CACHD1: variants seen among roughly 807,000 people sequenced by gnomAD.
The protein encoded by CACHD1 is cache domain containing 1.
In CACHD1, 71 loss-of-function variants were observed where a neutral mutation model predicts 138.7. The ratio of observed to expected loss-of-function variants is 0.51; its 90% CI spans 0.42 to 0.62. CACHD1 has a LOEUF of 0.62. CACHD1 is among the 20% of genes least tolerant of loss of function. The pLI, the probability that CACHD1 is intolerant of heterozygous loss-of-function variation, is 0.00. For synonymous variants in CACHD1, 578 were observed against 591.5 expected, an observed-to-expected ratio of 0.98 and a Z score of 0.33; for missense variants, 1,389 against 1,625.3, an observed-to-expected ratio of 0.85 and a Z score of 2.50.
chr1:64,491,771 CA>C (rs1646277469), intron 1 of CACHD1, among the ~76,000 whole-genome samples: 2 of 152,128 alleles, frequency 1.3e-5, no homozygotes. Context: ...CATGCACCAC[CA>C]TGTCCAGCTA....
chr1:64,527,542 G>A (rs1406996181), intron 1 of CACHD1, among the ~76,000 whole-genome samples: 2 of 152,166 alleles, frequency 1.3e-5, no homozygotes, highest in Non-Finnish European at 2.9e-5. Flanking sequence ...TTAGGGTCTG[G>A]AGGAAGTGAA....
intron 4 of CACHD1, among the ~76,000 whole-genome samples, chr1:64,628,107 G>T (rs893925507): frequency 6.6e-6 from 1 of 152,164 alleles, no homozygotes; most frequent in African/African-American, 2.4e-5. Flanking sequence ...CTGTGTGAAA[G>T]CTCTTTGTCT....
At chr1:64,501,024 G>A (rs1436666854) in intron 1 of CACHD1, among the ~76,000 whole-genome samples, 1 of 151,180 alleles carries the variant, frequency 6.6e-6, no homozygotes, top group Non-Finnish European at 1.5e-5. Context: ...ACTCCAGCTG[G>A]GTGACAGAGT....
At chr1:64,561,162 T>C (rs1646836046) in intron 2 of CACHD1, among the ~76,000 whole-genome samples, 1 of 151,714 alleles carries the variant, frequency 6.6e-6, no homozygotes, top group Non-Finnish European at 1.5e-5. Context: ...TTTTGGGTTT[T>C]TTTTCTGTTT....
chr1:64,536,420 T>C (rs1646633166), intron 1 of CACHD1, among the ~76,000 whole-genome samples: 1 of 152,238 alleles, frequency 6.6e-6, no homozygotes, highest in Non-Finnish European at 1.5e-5. Context: ...TTTGATGTTC[T>C]GGTTTTGTCC....
chr1:64,616,309 G>C (rs1010146447), intron 4 of CACHD1, among the ~76,000 whole-genome samples: 2 of 152,148 alleles, frequency 1.3e-5, no homozygotes, highest in African/African-American at 4.8e-5. Flanking sequence ...ACAAGCATGT[G>C]GTGGTTACCG....
intron 13 of CACHD1, among the ~76,000 whole-genome samples, chr1:64,662,412 A>C (rs918070495): frequency 6.6e-6 from 1 of 152,212 alleles, no homozygotes. Context: ...CACCTGCTAC[A>C]TCTTGCAGTG....
chr1:64,544,948 G>A (rs1206147368), intron 1 of CACHD1, among the ~76,000 whole-genome samples: 2 of 152,058 alleles, frequency 1.3e-5, no homozygotes, highest in Non-Finnish European at 2.9e-5. Context: ...GTGTGAGGGA[G>A]CAATTAAAAT....
chr1:64,503,614 G>GA (rs998187939), intron 1 of CACHD1, among the ~76,000 whole-genome samples: 9 of 152,142 alleles, frequency 5.9e-5, no homozygotes, highest in Admixed American at 5.9e-4. Context: ...TTAGAAGGAT[G>GA]AAAAAGTTTT....
intron 1 of CACHD1, among the ~76,000 whole-genome samples, chr1:64,544,104 C>A (rs1391512542): frequency 6.6e-6 from 1 of 152,024 alleles, no homozygotes; most frequent in Non-Finnish European, 1.5e-5. Context: ...ACCACAATGC[C>A]TGGAATCATA....
At chr1:64,604,896 C>T (rs951010389) in intron 4 of CACHD1, among the ~76,000 whole-genome samples, 1 of 150,966 alleles carries the variant, frequency 6.6e-6, no homozygotes, top group African/African-American at 2.4e-5. Flanking sequence ...TGTGGTCTAC[C>T]CGCCTCGGCC....
In CACHD1 at chr1:64,470,154, C is replaced by G. The variant is rs1347500542; in HGVS notation, c.-591C>G. 2.0e-5 allele frequency among the ~76,000 whole-genome samples: 3 copies of G among 152,108 alleles called. No individual in the cohort carries two copies. Among genetic ancestry groups the G allele is most frequent in the Admixed American group, 2.0e-4 (3 of 15,280 alleles). ...AGCCGGGAAGTGCACAGAGCCGGAG[C>G]GCAGCGTGGTGGCACCAGACGCCTC... On this transcript the variant is annotated 5_prime_UTR_variant, in exon 1 of 27. Coordinates refer to ENST00000651257, the MANE Select transcript of CACHD1 (RefSeq NM_020925.4). The surrounding 1 kb of genome is among the most constrained non-coding windows in gnomAD (Gnocchi z 5.2).
intron 1 of CACHD1, among the ~76,000 whole-genome samples, chr1:64,543,866 C>CT (rs370129207): frequency 0.044 from 3,396 of 77,482 alleles, 222 homozygotes; most frequent in African/African-American, 0.12. Context: ...CTTTTCAGTG[C>CT]TTTTTTTTTT....
chr1:64,529,451 C>A (rs1439348939), intron 1 of CACHD1, among the ~76,000 whole-genome samples: 1 of 152,158 alleles, frequency 6.6e-6, no homozygotes, highest in Non-Finnish European at 1.5e-5. Context: ...ACGGAGAGCT[C>A]AAAAATGCCC....
At chr1:64,564,750 G>A (rs1183565378) in intron 2 of CACHD1, among the ~76,000 whole-genome samples, 1 of 152,194 alleles carries the variant, frequency 6.6e-6, no homozygotes, top group Non-Finnish European at 1.5e-5. Flanking sequence ...CCTGGAAGGA[G>A]CTAGTAGAAG....
chr1:64,634,749 C>T (rs1050195397), intron 7 of CACHD1, among the ~76,000 whole-genome samples: 2 of 152,008 alleles, frequency 1.3e-5, no homozygotes, highest in Non-Finnish European at 2.9e-5. Context: ...AATCCCAGCA[C>T]TTTGGGAGGT....
chr1:64,691,508 A>G lies in CACHD1; in HGVS notation c.3772A>G (p.Ser1258Gly), dbSNP rs1463642339. 6.2e-7 allele frequency: 1 copy of G among 1,614,106 alleles called. No individual in the cohort carries two copies. The highest frequency in any genetic ancestry group is 1.1e-5 in the South Asian group (1 of 91,084). Residue 1258 changes from serine to glycine, a missense_variant, in exon 27 of 27, where the codon AGC (serine) becomes GGC (glycine). Around this residue, in one of 5 missense-constraint regions of CACHD1, gnomAD observed 78 missense variants for 76.9 expected, o/e 1.01. Transcript: ENST00000651257. ...YRSHHPTLHH[S>G]HHLQAAVTVH... is the part of the protein sequence containing the mutation. ...GTCACACCACCCTACACTTCATCAT[A>G]GCCACCACTTACAGGCGGCCGTCAC... is the stretch of plus-strand genomic sequence containing the variant.
intron 1 of CACHD1, among the ~76,000 whole-genome samples, chr1:64,477,634 ATTTTT>A (rs1038287180): frequency 1.4e-4 from 19 of 131,806 alleles, no homozygotes; most frequent in Admixed American, 6.0e-4. Context: ...ATTTTATTTT[ATTTTT>A]TTTTTTGAGA....
chr1:64,509,813 A>G (rs926672814), intron 1 of CACHD1, among the ~76,000 whole-genome samples: 1 of 152,240 alleles, frequency 6.6e-6, no homozygotes, highest in Admixed American at 6.5e-5. Context: ...TATTTAAGAC[A>G]TAGCAGAGAC....
Sources: allele counts gnomAD v4.1 joint callset (sites outside exome capture counted in the v4.1 genomes callset), GRCh38; gene constraint gnomAD v4.1.1; regional missense constraint gnomAD v4.1.1; non-coding constraint Gnocchi (gnomAD v3.1); transcripts MANE v1.5; gene names NCBI Gene and HGNC (gene_info 2026-07-23, HGNC 2026-07-21).